The following TMEM67 variants were observed in gnomAD, a reference collection of about 807,000 sequenced individuals.
The protein encoded by TMEM67 is meckelin.
A neutral mutation model predicts 136.6 loss-of-function variants in TMEM67; 124 were observed. The observed-to-expected ratio is 0.91, with a 90% confidence interval of 0.78 to 1.05. TMEM67 has a LOEUF of 1.05. Ranked by LOEUF, TMEM67 falls within the 50% of genes least tolerant of loss-of-function variation. The pLI, the probability that TMEM67 is intolerant of heterozygous loss-of-function variation, is 0.00. For missense variants in TMEM67, 1,107 were observed against 1,178.4 expected, an observed-to-expected ratio of 0.94 and a Z score of 0.89; for synonymous variants, 364 against 390.5, an observed-to-expected ratio of 0.93 and a Z score of 0.80.
intron 26 of TMEM67, among the ~76,000 whole-genome samples, chr8:93,814,791 C>T (rs889608157): frequency 6.6e-5 from 10 of 151,798 alleles, no homozygotes; most frequent in Non-Finnish European, 1.0e-4. Flanking sequence ...CCGGCCTCAT[C>T]ATAATCTTTT....
chr8:93,797,384 T>G lies in TMEM67; in HGVS notation c.2014T>G (p.Phe672Val). 2 of 1,614,074 alleles carry G rather than the reference T, an allele frequency of 1.2e-6. No individual in the cohort carries two copies. The highest frequency in any genetic ancestry group is 1.7e-6 in the Non-Finnish European group (2 of 1,179,934). Residue 672 changes from phenylalanine (F) to valine (V), a missense_variant, in exon 20 of 28, where the codon TTT (phenylalanine) becomes GTT (valine). This residue lies in a region of TMEM67 where 925 missense variants were observed against 1,002.4 expected (regional missense o/e 0.92). Coordinates refer to ENST00000453321, the MANE Select transcript of TMEM67 (RefSeq NM_153704.6). ...TVPVSIWRTYFVANEWNEIQT... is the reference protein window; with the variant it reads ...TVPVSIWRTYVVANEWNEIQT... ...TCCTGTAAGCATATGGAGAACATAT[T>G]TTGTAGCAAATGAATGGAATGAAAT...
chr8:93,832,182 T>C, the TMEM67 span, among the ~76,000 whole-genome samples: 5 of 152,274 alleles, frequency 3.3e-5, no homozygotes, highest in South Asian at 1.0e-3. Context: ...AAAAACTCTC[T>C]ATACAGAAGG....
chr8:93,778,532 T>TG (rs1443027664), intron 7 of TMEM67, among the ~76,000 whole-genome samples: 1 of 152,206 alleles, frequency 6.6e-6, no homozygotes, highest in Non-Finnish European at 1.5e-5. Context: ...CTTCAGGAGC[T>TG]TATGTAAGGC....
At chr8:93,787,512 C>A (rs1431409944) in intron 13 of TMEM67, among the ~76,000 whole-genome samples, 1 of 152,182 alleles carries the variant, frequency 6.6e-6, no homozygotes, top group East Asian at 1.9e-4. Flanking sequence ...GATTATTCCT[C>A]AAAGATAGTT....
At position 93,758,587 on chromosome 8, in the gene TMEM67, G is replaced by T. The variant is rs1032950384; in HGVS notation, c.406+11G>T. On this transcript the variant is annotated intron_variant, in intron 3 of 27. Transcript: ENST00000453321. ...TTGGCCATATTTTAGGTAAGAATTA[G>T]ATTCCTTATAAAGAAGTAGTGATAA... The T allele has an allele frequency of 2.1e-5, 33 of 1,593,444 alleles. No homozygotes were observed. The highest frequency in any genetic ancestry group is 2.8e-5 in the Non-Finnish European group (33 of 1,161,470).
intron 14 of TMEM67, among the ~76,000 whole-genome samples, chr8:93,788,289 G>A (rs1261238917): frequency 1.3e-5 from 2 of 152,152 alleles, no homozygotes; most frequent in Admixed American, 1.3e-4. Context: ...TGTGGGTCAC[G>A]CACAGTGGCT....
intron 21 of TMEM67, among the ~76,000 whole-genome samples, chr8:93,800,886 C>T (rs963127573): frequency 3.3e-5 from 5 of 151,620 alleles, no homozygotes; most frequent in Non-Finnish European, 5.9e-5. Flanking sequence ...ATCATGAAAC[C>T]TCACTCAGAT....
intron 12 of TMEM67, 151 bp from the exon 13 acceptor site, chr8:93,786,072 T>C (rs1348613466): frequency 1.4e-6 from 1 of 711,938 alleles, no homozygotes; most frequent in African/African-American, 1.8e-5. Flanking sequence ...AGACCCTGTC[T>C]AAAAAAAACA....
intron 20 of TMEM67, among the ~76,000 whole-genome samples, chr8:93,798,542 T>C (rs939836821): frequency 2.6e-5 from 4 of 152,236 alleles, no homozygotes; most frequent in African/African-American, 9.6e-5. Flanking sequence ...AAGTATTCAG[T>C]ACTGAGTATA....
At position 93,816,511 on chromosome 8, in the gene TMEM67, A is replaced by T. The variant is rs559891501; in HGVS notation, c.*59A>T. On this transcript the variant is annotated 3_prime_UTR_variant, in exon 28 of 28. Coordinates refer to ENST00000453321, the MANE Select transcript of TMEM67 (RefSeq NM_153704.6). ...ATCATGGCCAAAAAAAAGTCATGAT[A>T]TCAGGTTAGTTTGCCATATTTTTTA... is the stretch of plus-strand genomic sequence containing the variant. The T allele has an allele frequency of 4.9e-5, 46 of 945,006 alleles. No homozygotes were observed. In the African/African-American group the frequency reaches 7.2e-4, roughly 15 times the overall value. 58.5% of individuals were successfully genotyped at this position (945,006 alleles called of 1,614,324 possible).
At chr8:93,796,618 ATATTGCTTG>A (rs1814630812) in intron 18 of TMEM67, among the ~76,000 whole-genome samples, 1 of 152,216 alleles carries the variant, frequency 6.6e-6, no homozygotes, top group African/African-American at 2.4e-5. Flanking sequence ...CAGTTTAAAC[ATATTGCTTG>A]TATAAATAAG....
Position 93,795,959 on chromosome 8 carries a change from C to T in TMEM67, c.1832C>T (p.Thr611Ile), listed in dbSNP as rs759730591. ...PMPIQEERFV[T>I]YVGCAFALKA... is the part of the protein sequence containing the mutation. Reference sequence around the variant, plus strand: ...CCAATTCAGGAAGAACGTTTTGTCACTTATGTTGGATGTGCCTTTGCTCTG... The same window carrying T: ...CCAATTCAGGAAGAACGTTTTGTCATTTATGTTGGATGTGCCTTTGCTCTG... The change falls in exon 18 of 28, where the codon ACT (threonine) becomes ATT (isoleucine). Residue 611 changes from threonine to isoleucine, a missense_variant. Thr to Ile is a moderately conservative substitution (Grantham distance 89). This residue lies in a region of TMEM67 where 925 missense variants were observed against 1,002.4 expected (regional missense o/e 0.92). Transcript: ENST00000453321. 1 of 1,613,374 alleles carries T rather than the reference C, an allele frequency of 6.2e-7. No individual in the cohort carries two copies. Among genetic ancestry groups the T allele is most frequent in the Non-Finnish European group, 8.5e-7 (1 of 1,179,476 alleles).
chr8:93,831,696 G>A, the TMEM67 span, among the ~76,000 whole-genome samples: 1 of 152,046 alleles, frequency 6.6e-6, no homozygotes. Flanking sequence ...ATGTGTGTGT[G>A]TGTGTTTGTG....
rs571446327 is a variant in TMEM67, at chr8:93,797,121, A to G, written c.1861-13A>G. ...GGTACTTTTTCAGGTGTTTTATTAT[A>G]TGTCATTCTCAGGCACTACAATTTT... On this transcript the variant is annotated splice_polypyrimidine_tract_variant and intron_variant, in intron 18 of 27. Coordinates refer to ENST00000453321, the MANE Select transcript of TMEM67 (RefSeq NM_153704.6). 6.6e-6 allele frequency: 10 copies of G among 1,510,634 alleles called. No individual in the cohort carries two copies. In the South Asian group the frequency reaches 1.0e-4, roughly 15 times the overall value. The allele number at this position is 1,510,634 out of a possible 1,614,324, so 93.6% of individuals were successfully genotyped here. A position where few individuals can be genotyped will look rare whatever the true frequency, so the allele number is the denominator to read the frequency against.
rs1047816076 is a variant in TMEM67, at chr8:93,787,904, C to G, written c.1473C>G (p.Ala491=). 1 of 1,614,068 alleles carries G rather than the reference C, an allele frequency of 6.2e-7. No homozygotes were observed. Among genetic ancestry groups the G allele is most frequent in the Admixed American group, 1.7e-5 (1 of 60,018 alleles). The change falls in exon 14 of 28, where the codon GCC becomes GCG. Residue 491 remains alanine (A), a synonymous_variant. Transcript: ENST00000453321. Reference sequence around the variant, plus strand: ...TCTACCCTCCCTTAATCACCATTGCCTACAGTGACATTGATATCAAAGATG... The same window carrying G: ...TCTACCCTCCCTTAATCACCATTGCGTACAGTGACATTGATATCAAAGATG... ...GNIYPPLITI[A]YSDIDIKDAN...
At chr8:93,775,802 GT>G in intron 7 of TMEM67, among the ~76,000 whole-genome samples, 1 of 152,250 alleles carries the variant, frequency 6.6e-6, no homozygotes, top group South Asian at 2.1e-4. Context: ...CTCCAGCTTT[GT>G]TCTTTTTGTG....
chr8:93,794,129 A>G (rs541984795), intron 16 of TMEM67, among the ~76,000 whole-genome samples: 47 of 152,146 alleles, frequency 3.1e-4, no homozygotes, highest in Non-Finnish European at 4.1e-4. Flanking sequence ...TGGCCTCATG[A>G]TCCGCCCACC....
chr8:93,769,307 A>AGAG (rs1254335813), intron 6 of TMEM67, among the ~76,000 whole-genome samples: 2 of 152,252 alleles, frequency 1.3e-5, no homozygotes, highest in Admixed American at 6.5e-5. Context: ...GCCATGAGGC[A>AGAG]GAGGGTGGAG....
Position 93,787,843 on chromosome 8 carries a change from G to C in TMEM67, c.1413-1G>C, listed in dbSNP as rs386834185. 2 of 1,608,472 alleles carry C rather than the reference G, an allele frequency of 1.2e-6. No homozygotes were observed. The highest frequency in any genetic ancestry group is 1.7e-6 in the Non-Finnish European group (2 of 1,174,956). ...CTATAAATGCATTTTCTTTTAAATA[G>C]TGTCCACCTTGTACCCAACACAATA... On this transcript the variant is annotated splice_acceptor_variant, in intron 13 of 27. Coordinates refer to ENST00000453321, the MANE Select transcript of TMEM67 (RefSeq NM_153704.6). LOFTEE classifies it high-confidence loss of function.
Sources: gnomAD v4.1 joint callset for allele counts (sites outside exome capture counted in the v4.1 genomes callset) on GRCh38, gnomAD v4.1.1 for gene constraint, gnomAD v4.1.1 regional missense constraint, MANE v1.5 for transcripts, NCBI Gene and HGNC (gene_info 2026-07-23, HGNC 2026-07-21) for gene names.